The following JAKMIP1 variants were observed in gnomAD, a reference collection of about 807,000 sequenced individuals.
The protein encoded by JAKMIP1 is janus kinase and microtubule-interacting protein 1.
JAKMIP1 carries 33 observed loss-of-function variants against 113.0 expected under a neutral mutation model. The ratio of observed to expected loss-of-function variants is 0.29; its 90% CI spans 0.22 to 0.39. The LOEUF (loss-of-function observed/expected upper bound fraction) is 0.39. Ranked by LOEUF, JAKMIP1 falls within the 10% of genes least tolerant of loss-of-function variation. The pLI is 1.00. For synonymous variants in JAKMIP1, 480 were observed against 459.9 expected (o/e 1.04, Z -0.56); for missense variants, 813 against 1,080.5 (o/e 0.75, Z 3.47).
chr4:6,176,507 G>A lies in JAKMIP1; in HGVS notation c.-148+23746C>T, dbSNP rs990236173. Among the ~76,000 whole-genome samples, 4 of 152,278 alleles carry A rather than the reference G, an allele frequency of 2.6e-5. No individual in the cohort carries two copies. The East Asian group carries it at 7.7e-4, about 29-fold the overall frequency. ...AAGCTCCTCAGTACTCCTACCACAG[G>A]ACGGTTGTTCTGTAGAAACAAGACG... is the stretch of plus-strand genomic sequence containing the variant. On this transcript the variant is annotated intron_variant, in intron 1 of 20. Coordinates refer to ENST00000409021, the MANE Select transcript of JAKMIP1 (RefSeq NM_001099433.2). This position sits in a 1 kb window ranked among gnomAD's most constrained non-coding sequence, Gnocchi z 5.5.
rs1728246933 is a variant in JAKMIP1 at position 6,199,780 on chromosome 4, G to A, written c.-148+473C>T. 6.6e-6 allele frequency among the ~76,000 whole-genome samples: 1 copy of A among 151,596 alleles called. No homozygotes were observed. On this transcript the variant is annotated intron_variant, in intron 1 of 20. Coordinates refer to ENST00000409021, the MANE Select transcript of JAKMIP1 (RefSeq NM_001099433.2). This position sits in a 1 kb window ranked among gnomAD's most constrained non-coding sequence, Gnocchi z 5.6. ...GCTCCATCTTCTTTGCCACCTGGGC[G>A]GAGATCTGGGGGACTGTGACCTACC...
chr4:6,034,326 G>C (rs946354417), intron 19 of JAKMIP1, among the ~76,000 whole-genome samples: 1 of 151,994 alleles, frequency 6.6e-6, no homozygotes, highest in Non-Finnish European at 1.5e-5. Flanking sequence ...CAACTAAATG[G>C]GGGATCCAGA....
In JAKMIP1 at chr4:6,193,956, C is replaced by T. The variant is rs895356563; in HGVS notation, c.-148+6297G>A. ...GTATACGCACCATGGAATACTACTCCGCCATGAAGAAGAAGGAAGCAATGA... is the reference window on the plus strand; with the variant it reads ...GTATACGCACCATGGAATACTACTCTGCCATGAAGAAGAAGGAAGCAATGA... On this transcript the variant is annotated intron_variant, in intron 1 of 20. Coordinates refer to ENST00000409021, the MANE Select transcript of JAKMIP1 (RefSeq NM_001099433.2). The surrounding 1 kb of genome is among the most constrained non-coding windows in gnomAD (Gnocchi z 6.4). 2.6e-5 allele frequency among the ~76,000 whole-genome samples: 4 copies of T among 152,168 alleles called. No homozygotes were observed. Among genetic ancestry groups the T allele is most frequent in the Admixed American group, 2.0e-4 (3 of 15,278 alleles).
intron 1 of JAKMIP1, among the ~76,000 whole-genome samples, chr4:6,174,771 A>C (rs545666457): frequency 6.6e-6 from 1 of 151,330 alleles, no homozygotes; most frequent in South Asian, 2.1e-4. Flanking sequence ...CAGCACCCCA[A>C]ACTACACCAC....
At position 6,179,446 on chromosome 4, in the gene JAKMIP1, C is replaced by A. The variant is rs1725767682; in HGVS notation, c.-148+20807G>T. Among the ~76,000 whole-genome samples the A allele has an allele frequency of 6.6e-6, 1 of 152,186 alleles. No homozygotes were observed. The highest frequency in any genetic ancestry group is 1.5e-5 in the Non-Finnish European group (1 of 68,030). On this transcript the variant is annotated intron_variant, in intron 1 of 20. Coordinates refer to ENST00000409021, the MANE Select transcript of JAKMIP1 (RefSeq NM_001099433.2). The surrounding 1 kb of genome is among the most constrained non-coding windows in gnomAD (Gnocchi z 4.5). ...AGCCCCACACAGGGAGACCCTGCCC[C>A]ATCCACCACCACCTCCTTCCTCTAC... is the stretch of plus-strand genomic sequence containing the variant.
intron 11 of JAKMIP1, among the ~76,000 whole-genome samples, chr4:6,057,777 C>A (rs963897584): frequency 6.6e-6 from 1 of 152,216 alleles, no homozygotes; most frequent in Non-Finnish European, 1.5e-5. Flanking sequence ...CTGGGCCATG[C>A]CATGCTCTGG....
chr4:6,118,373 C>T (rs1716158466), intron 1 of JAKMIP1, among the ~76,000 whole-genome samples: 1 of 152,080 alleles, frequency 6.6e-6, no homozygotes, highest in African/African-American at 2.4e-5. Flanking sequence ...TGACCATCAT[C>T]CTGCTGTTTA....
chr4:6,108,363 G>A lies in JAKMIP1; in HGVS notation c.130-2396C>T, dbSNP rs1714318992. Among the ~76,000 whole-genome samples, 1 of 152,272 alleles carries A rather than the reference G, an allele frequency of 6.6e-6. No homozygotes were observed. The highest frequency in any genetic ancestry group is 2.1e-4 in the South Asian group (1 of 4,822). ...CAGGTGCCTCCAAGCTACCCCAAGT[G>A]TAGAGGCACCTACACCAGCCGCTCC... On this transcript the variant is annotated intron_variant, in intron 2 of 20. Transcript: ENST00000409021. The surrounding 1 kb of genome is among the most constrained non-coding windows in gnomAD (Gnocchi z 5.6).
rs1714784501 is a variant in JAKMIP1, at chr4:6,044,859, G to C, written c.2029-2632C>G. On this transcript the variant is annotated intron_variant, in intron 16 of 20. Transcript: ENST00000409021. The surrounding 1 kb of genome is among the most constrained non-coding windows in gnomAD (Gnocchi z 4.4). ...AATTTAATATCAAAGAGTTTGGCCAGATAGCTGTGGAGGCTCAGTCACTCC... is the reference window on the plus strand; with the variant it reads ...AATTTAATATCAAAGAGTTTGGCCACATAGCTGTGGAGGCTCAGTCACTCC... 1.3e-5 allele frequency among the ~76,000 whole-genome samples: 2 copies of C among 152,248 alleles called. No individual in the cohort carries two copies. Among genetic ancestry groups the C allele is most frequent in the Admixed American group, 1.3e-4 (2 of 15,288 alleles).
At chr4:6,191,216 T>C (rs1280410216) in intron 1 of JAKMIP1, among the ~76,000 whole-genome samples, 1 of 152,050 alleles carries the variant, frequency 6.6e-6, no homozygotes, top group Non-Finnish European at 1.5e-5. Flanking sequence ...GAGACCCCAG[T>C]GTGTGTCAGG....
In JAKMIP1 at chr4:6,086,878, G is replaced by C. The variant is rs1049589365; in HGVS notation, c.625-1249C>G. Reference sequence around the variant, plus strand: ...AGAGGCTGGAGGGACACAGCCTCAAGCCAAGGAACTCAAGGTCAGCCAGCA... The same window carrying C: ...AGAGGCTGGAGGGACACAGCCTCAACCCAAGGAACTCAAGGTCAGCCAGCA... On this transcript the variant is annotated intron_variant, in intron 3 of 20. Transcript: ENST00000409021. The surrounding 1 kb of genome is among the most constrained non-coding windows in gnomAD (Gnocchi z 4.1). Among the ~76,000 whole-genome samples, 1 of 152,096 alleles carries C rather than the reference G, an allele frequency of 6.6e-6. No homozygotes were observed. The highest frequency in any genetic ancestry group is 1.5e-5 in the Non-Finnish European group (1 of 68,020).
intron 19 of JAKMIP1, among the ~76,000 whole-genome samples, chr4:6,034,152 C>T (rs1053982934): frequency 1.1e-5 from 1 of 93,878 alleles, no homozygotes; most frequent in African/African-American, 1.0e-4. Context: ...ATCCTATATA[C>T]AGGGTACTAC....
chr4:6,130,640 C>A (rs1015212468), intron 1 of JAKMIP1, among the ~76,000 whole-genome samples: 8 of 152,082 alleles, frequency 5.3e-5, no homozygotes, highest in Non-Finnish European at 8.8e-5. Context: ...AAAAAGCAGA[C>A]AACATGCAAA....
Position 6,086,818 on chromosome 4 carries a change from A to C in JAKMIP1, c.625-1189T>G, listed in dbSNP as rs914971440. Among the ~76,000 whole-genome samples, 7 of 151,954 alleles carry C rather than the reference A, an allele frequency of 4.6e-5. No individual in the cohort carries two copies. Among genetic ancestry groups the C allele is most frequent in the Non-Finnish European group, 1.0e-4 (7 of 68,016 alleles). On this transcript the variant is annotated intron_variant, in intron 3 of 20. Transcript: ENST00000409021. The surrounding 1 kb of genome is among the most constrained non-coding windows in gnomAD (Gnocchi z 4.1). ...TGGTGTCCTTATGAGAGGAGAAGAG[A>C]GACACAGAGGGGAAGGCCGTGTAAG...
intron 8 of JAKMIP1, among the ~76,000 whole-genome samples, chr4:6,071,077 G>C (rs1400192754): frequency 6.6e-6 from 1 of 152,268 alleles, no homozygotes; most frequent in African/African-American, 2.4e-5. Context: ...ACATAGCAAA[G>C]TTCATGTATG....
chr4:6,131,365 C>T (rs1269961839), intron 1 of JAKMIP1, among the ~76,000 whole-genome samples: 2 of 114,104 alleles, frequency 1.8e-5, no homozygotes, highest in Non-Finnish European at 3.4e-5. Context: ...AGGATAACTG[C>T]CAAAAAAAAA....
At position 6,197,730 on chromosome 4, in the gene JAKMIP1, A is replaced by G. The variant is rs1334839023; in HGVS notation, c.-148+2523T>C. Among the ~76,000 whole-genome samples, 1 of 152,230 alleles carries G rather than the reference A, an allele frequency of 6.6e-6. No homozygotes were observed. Among genetic ancestry groups the G allele is most frequent in the Non-Finnish European group, 1.5e-5 (1 of 68,038 alleles). On this transcript the variant is annotated intron_variant, in intron 1 of 20. Transcript: ENST00000409021. This position sits in a 1 kb window ranked among gnomAD's most constrained non-coding sequence, Gnocchi z 6.5. ...CCAGCAGGGAGGCACTTGCCCAGTC[A>G]CAGCTAAGTGAGGCAGGGCCTGAAT...
At chr4:6,046,022 G>T (rs1714942919) in intron 16 of JAKMIP1, among the ~76,000 whole-genome samples, 1 of 152,210 alleles carries the variant, frequency 6.6e-6, no homozygotes, top group Non-Finnish European at 1.5e-5. Flanking sequence ...CAGTGACATT[G>T]CAGGTGCTCA....
rs1000337029 is a variant in JAKMIP1 at position 6,088,959 on chromosome 4, C to A, written c.625-3330G>T. ...CAGGGCAGTCCCCAATTGGCTCATG[C>A]CACCCAAATGTCCCTGTCCCAACAG... On this transcript the variant is annotated intron_variant, in intron 3 of 20. Coordinates refer to ENST00000409021, the MANE Select transcript of JAKMIP1 (RefSeq NM_001099433.2). The surrounding 1 kb of genome is among the most constrained non-coding windows in gnomAD (Gnocchi z 5.5). Among the ~76,000 whole-genome samples, 4 of 152,194 alleles carry A rather than the reference C, an allele frequency of 2.6e-5. No individual in the cohort carries two copies. The highest frequency in any genetic ancestry group is 7.2e-5 in the African/African-American group (3 of 41,454).
Sources: gnomAD v4.1 joint callset for allele counts (sites outside exome capture counted in the v4.1 genomes callset) on GRCh38, gnomAD v4.1.1 for gene constraint, Gnocchi (gnomAD v3.1) non-coding constraint, MANE v1.5 for transcripts, NCBI Gene and HGNC (gene_info 2026-07-23, HGNC 2026-07-21) for gene names.